CSMD1: variants seen among roughly 807,000 people sequenced by gnomAD.
CSMD1 encodes the protein CUB and Sushi multiple domains 1, also known as CUB and sushi domain-containing protein 1.
In CSMD1, 213 loss-of-function variants were observed where a neutral mutation model predicts 417.5. That is an observed-to-expected ratio of 0.51 (90% CI 0.46 to 0.57). CSMD1 has a LOEUF of 0.57. Ranked by LOEUF, CSMD1 falls within the 20% of genes least tolerant of loss-of-function variation. The probability of loss-of-function intolerance (pLI) is 0.00; values close to 1 mark genes in which losing one functional copy is unlikely to be tolerated. For missense variants in CSMD1, 6,923 were observed against 4,529.7 expected, an observed-to-expected ratio of 1.53 and a Z score of -15.17; for synonymous variants, 2,862 against 1,736.8, an observed-to-expected ratio of 1.65 and a Z score of -16.11.
At chr8:3,289,894 C>A (rs867760779) in intron 25 of CSMD1, among the ~76,000 whole-genome samples, 1 of 147,492 alleles carries the variant, frequency 6.8e-6, no homozygotes, top group Admixed American at 6.7e-5. Flanking sequence ...GACATGAAGT[C>A]CTTACCCATG....
At chr8:4,345,260 G>T (rs537866313) in intron 3 of CSMD1, among the ~76,000 whole-genome samples, 2 of 152,260 alleles carry the variant, frequency 1.3e-5, no homozygotes, top group African/African-American at 4.8e-5. Context: ...ATGAAAATTA[G>T]ATAGGAACTT....
chr8:4,363,871 T>C (rs984365016), intron 3 of CSMD1, among the ~76,000 whole-genome samples: 3 of 152,048 alleles, frequency 2.0e-5, no homozygotes, highest in Non-Finnish European at 2.9e-5. Flanking sequence ...CTCATGGACA[T>C]AGAGAGTAAA....
intron 3 of CSMD1, among the ~76,000 whole-genome samples, chr8:4,186,923 G>A (rs112756204): frequency 4.0e-5 from 6 of 151,810 alleles, no homozygotes; most frequent in Non-Finnish European, 5.9e-5. Flanking sequence ...CTGAACCCAC[G>A]AGGCAGAGAT....
chr8:3,706,316 C>T (rs777542207), intron 7 of CSMD1, among the ~76,000 whole-genome samples: 4 of 152,234 alleles, frequency 2.6e-5, no homozygotes, highest in Admixed American at 6.5e-5. Context: ...ACTTGCACAG[C>T]TATTGAATGC....
chr8:3,113,295 G>A (rs912611515), intron 42 of CSMD1: 1 of 152,190 alleles, frequency 6.6e-6, no homozygotes, highest in African/African-American at 2.4e-5. Flanking sequence ...GGGATAGAGA[G>A]GCTACACTCC....
intron 29 of CSMD1, among the ~76,000 whole-genome samples, chr8:3,217,670 A>T (rs1228717627): frequency 6.6e-6 from 1 of 152,200 alleles, no homozygotes; most frequent in Non-Finnish European, 1.5e-5. Context: ...AACGTGACGG[A>T]TCCCATCTCA....
At chr8:3,211,628 C>T (rs186895854) in intron 30 of CSMD1, among the ~76,000 whole-genome samples, 72 of 152,330 alleles carry the variant, frequency 4.7e-4, no homozygotes, top group African/African-American at 1.6e-3. Context: ...AGACTGTCAT[C>T]GCTCTCAGCC....
chr8:4,922,677 G>C lies in CSMD1; in HGVS notation c.85+71655C>G, dbSNP rs934862785. ...ATGGTGCAGCCTGGGAAATTTCTGA[G>C]AGCCCCTGCAGACCTTCAGATGACA... On this transcript the variant is annotated intron_variant, in intron 1 of 69. Transcript: ENST00000635120. 3.9e-5 allele frequency among the ~76,000 whole-genome samples: 6 copies of C among 152,122 alleles called. No individual in the cohort carries two copies. The East Asian group carries it at 9.7e-4, about 24-fold the overall frequency.
At chr8:3,385,394 C>T (rs914672188) in intron 18 of CSMD1, among the ~76,000 whole-genome samples, 1 of 151,040 alleles carries the variant, frequency 6.6e-6, no homozygotes, top group Non-Finnish European at 1.5e-5. Flanking sequence ...TAAGTTATAT[C>T]CTATGCGGAA....
chr8:3,365,811 C>T (rs1054027817), intron 20 of CSMD1, among the ~76,000 whole-genome samples: 2 of 152,124 alleles, frequency 1.3e-5, no homozygotes, highest in Non-Finnish European at 1.5e-5. Flanking sequence ...CTACAGTTGA[C>T]CTTGAATAAT....
intron 12 of CSMD1, among the ~76,000 whole-genome samples, chr8:3,435,649 C>G (rs1429083400): frequency 6.6e-6 from 1 of 152,172 alleles, no homozygotes. Flanking sequence ...GGCAACTCCT[C>G]TCACCTGCAC....
Position 4,585,801 on chromosome 8 carries a change from A to C in CSMD1, c.302+51541T>G, listed in dbSNP as rs2724979. ...AATTGAAGACATTTTAAGTTAAATT[A>C]AATCTGAGTAAATACTCTTTAGTCC... On this transcript the variant is annotated intron_variant, in intron 2 of 69. Coordinates refer to ENST00000635120, the MANE Select transcript of CSMD1 (RefSeq NM_033225.6). 5.9e-5 allele frequency among the ~76,000 whole-genome samples: 9 copies of C among 152,148 alleles called. No individual in the cohort carries two copies. In the East Asian group the frequency reaches 1.7e-3, roughly 29 times the overall value.
chr8:3,699,905 A>G (rs971788793), intron 7 of CSMD1, among the ~76,000 whole-genome samples: 2 of 131,224 alleles, frequency 1.5e-5, no homozygotes, highest in South Asian at 4.8e-4. Flanking sequence ...GTTATATCCC[A>G]TAACTACATC....
chr8:4,049,418 C>A (rs768752387), intron 3 of CSMD1, among the ~76,000 whole-genome samples: 5 of 151,480 alleles, frequency 3.3e-5, no homozygotes, highest in Non-Finnish European at 7.4e-5. Flanking sequence ...AGAAAAATTA[C>A]CCCCAGCTCA....
At chr8:4,019,737 G>C (rs1254312025) in intron 4 of CSMD1, among the ~76,000 whole-genome samples, 1 of 152,064 alleles carries the variant, frequency 6.6e-6, no homozygotes, top group Non-Finnish European at 1.5e-5. Context: ...TGTGCCTGTT[G>C]TAGAAGTAGT....
chr8:4,437,029 G>C (rs961388590), intron 2 of CSMD1, among the ~76,000 whole-genome samples: 1 of 152,150 alleles, frequency 6.6e-6, no homozygotes, highest in Non-Finnish European at 1.5e-5. Flanking sequence ...CCCTGAGATT[G>C]AGACTCAGTG....
Position 4,167,356 on chromosome 8 carries a change from G to C in CSMD1, c.416-135257C>G, listed in dbSNP as rs140004863. ...AGTAAGACTTTGTGAAGGGTGCCTG[G>C]TGACACTTCAATTTAAATAACAAAC... On this transcript the variant is annotated intron_variant, in intron 3 of 69. Transcript: ENST00000635120. Among the ~76,000 whole-genome samples the C allele has an allele frequency of 1.0e-3, 159 of 152,268 alleles. 2 individuals carry two copies. The highest frequency in any genetic ancestry group is 3.7e-3 in the African/African-American group (152 of 41,570).
intron 3 of CSMD1, among the ~76,000 whole-genome samples, chr8:4,284,083 A>G (rs1376521023): frequency 2.0e-5 from 3 of 151,688 alleles, no homozygotes; most frequent in Non-Finnish European, 4.4e-5. Flanking sequence ...AAATACAAAA[A>G]TTAGCTAGGC....
At position 3,142,593 on chromosome 8, in the gene CSMD1, C is replaced by A; in HGVS notation, c.6113G>T (p.Ser2038Ile). Residue 2038 changes from serine to isoleucine, a missense_variant, in exon 41 of 70, where the codon AGC (serine) becomes ATC (isoleucine). Transcript: ENST00000635120. ...LEIQNGPYHT[S>I]PMIGQFSGTD... Reference sequence around the variant, plus strand: ...GCCGCTAAATTGTCCAATCATGGGGCTGGTGTGGTAAGGTCCATTTTGAAT... The same window carrying A: ...GCCGCTAAATTGTCCAATCATGGGGATGGTGTGGTAAGGTCCATTTTGAAT... 1.2e-6 allele frequency: 2 copies of A among 1,613,890 alleles called. No homozygotes were observed. The highest frequency in any genetic ancestry group is 2.2e-5 in the East Asian group (1 of 44,878).
Sources: gnomAD v4.1 joint callset for allele counts (sites outside exome capture counted in the v4.1 genomes callset) on GRCh38, gnomAD v4.1.1 for gene constraint, MANE v1.5 for transcripts, NCBI Gene and HGNC (gene_info 2026-07-23, HGNC 2026-07-21) for gene names.